The following WWOX variants were observed in gnomAD, a reference collection of about 807,000 sequenced individuals.
WWOX encodes WW domain containing oxidoreductase.
Under a neutral mutation model 46.2 loss-of-function variants are expected in WWOX, and 69 were observed. That is an observed-to-expected ratio of 1.49 (90% CI 1.23 to 1.82). The LOEUF (loss-of-function observed/expected upper bound fraction) is 1.82. Among genes scored for constraint, WWOX ranks in the 40% most tolerant of loss-of-function variants. The pLI, the probability that WWOX is intolerant of heterozygous loss-of-function variation, is 0.00. For missense variants in WWOX, 919 were observed against 542.6 expected (o/e 1.69, Z -6.89); for synonymous variants, 359 against 202.6 (o/e 1.77, Z -6.56).
intron 8 of WWOX, among the ~76,000 whole-genome samples, chr16:78,620,215 C>G (rs2046142964): frequency 1.3e-5 from 2 of 152,140 alleles, no homozygotes; most frequent in Admixed American, 6.5e-5. Context: ...CTGGCTTAAC[C>G]AAGAAGCAGC....
intron 4 of WWOX, among the ~76,000 whole-genome samples, chr16:78,116,776 T>A (rs556061500): frequency 3.3e-5 from 5 of 152,326 alleles, no homozygotes; most frequent in African/African-American, 1.2e-4. Flanking sequence ...TTTTTAACAA[T>A]TTAACAAGTT....
At chr16:78,593,776 C>G (rs1260661812) in intron 8 of WWOX, among the ~76,000 whole-genome samples, 8 of 150,944 alleles carry the variant, frequency 5.3e-5, no homozygotes, top group Non-Finnish European at 1.0e-4. Flanking sequence ...CAAAGAGAAT[C>G]AGAAAGGAGT....
At chr16:78,870,895 C>T (rs1302254888) in intron 8 of WWOX, among the ~76,000 whole-genome samples, 1 of 152,194 alleles carries the variant, frequency 6.6e-6, no homozygotes, top group African/African-American at 2.4e-5. Context: ...AGCCACCATG[C>T]CCGGCCTAAT....
At chr16:78,942,205 A>G (rs554863682) in intron 8 of WWOX, among the ~76,000 whole-genome samples, 1 of 152,296 alleles carries the variant, frequency 6.6e-6, no homozygotes, top group South Asian at 2.1e-4. Context: ...ACATAGTTAA[A>G]GAGTTTGGTA....
chr16:79,187,611 T>C (rs1368401746), intron 8 of WWOX, among the ~76,000 whole-genome samples: 1 of 152,228 alleles, frequency 6.6e-6, no homozygotes, highest in Admixed American at 6.5e-5. Context: ...TTCACCATGT[T>C]GGCCAGGCTG....
chr16:78,870,107 A>G (rs1424345113), intron 8 of WWOX, among the ~76,000 whole-genome samples: 1 of 152,170 alleles, frequency 6.6e-6, no homozygotes, highest in Non-Finnish European at 1.5e-5. Flanking sequence ...GGCCAGGCCT[A>G]AGTGCTCTGA....
intron 8 of WWOX, among the ~76,000 whole-genome samples, chr16:78,812,455 C>T (rs1489564680): frequency 6.6e-6 from 1 of 152,044 alleles, no homozygotes; most frequent in Non-Finnish European, 1.5e-5. Flanking sequence ...GGCATGGTGG[C>T]TCCTGCCTGT....
At chr16:78,105,400 A>C (rs1174541777) in intron 1 of WWOX, among the ~76,000 whole-genome samples, 1 of 151,638 alleles carries the variant, frequency 6.6e-6, no homozygotes, top group Non-Finnish European at 1.5e-5. Context: ...CAGAGGTTGC[A>C]GTGAGCTGAG....
At chr16:78,568,600 C>T (rs912480966) in intron 8 of WWOX, among the ~76,000 whole-genome samples, 6 of 151,680 alleles carry the variant, frequency 4.0e-5, no homozygotes, top group Admixed American at 1.3e-4. Context: ...CTTAGCCTCC[C>T]GAGTAGCTGG....
intron 8 of WWOX, among the ~76,000 whole-genome samples, chr16:78,736,235 C>G (rs1390025492): frequency 2.6e-5 from 4 of 152,166 alleles, no homozygotes; most frequent in Admixed American, 2.6e-4. Context: ...ACTTGACCCG[C>G]TTGAGGCCAG....
chr16:78,593,971 T>A (rs150201878), intron 8 of WWOX, among the ~76,000 whole-genome samples: 1 of 152,214 alleles, frequency 6.6e-6, no homozygotes, highest in Admixed American at 6.5e-5. Flanking sequence ...TATCATTATA[T>A]CCAACTTGTG....
In WWOX at chr16:78,390,829, A is replaced by G. The variant is rs548079883; in HGVS notation, c.605+3881A>G. ...AATGAAAGAAAGGCTGCCAGTTCAGAACCAATCTCTTTTCACGCTGTTGCA... is the reference window on the plus strand; with the variant it reads ...AATGAAAGAAAGGCTGCCAGTTCAGGACCAATCTCTTTTCACGCTGTTGCA... On this transcript the variant is annotated intron_variant, in intron 6 of 8. Coordinates refer to ENST00000566780, the MANE Select transcript of WWOX (RefSeq NM_016373.4). Among the ~76,000 whole-genome samples, 65 of 152,334 alleles carry G rather than the reference A, an allele frequency of 4.3e-4. 1 individual carries two copies. Among genetic ancestry groups the G allele is most frequent in the South Asian group, 1.7e-3 (8 of 4,828 alleles).
chr16:78,615,330 G>A (rs1041002854), intron 8 of WWOX, among the ~76,000 whole-genome samples: 2 of 152,088 alleles, frequency 1.3e-5, no homozygotes, highest in Non-Finnish European at 2.9e-5. Context: ...CCGCGACTCG[G>A]TACCTGGTGT....
At chr16:78,477,465 T>A (rs759615911) in intron 8 of WWOX, among the ~76,000 whole-genome samples, 8 of 152,164 alleles carry the variant, frequency 5.3e-5, no homozygotes, top group Non-Finnish European at 1.0e-4. Flanking sequence ...GTGCCATTGA[T>A]CCTTATTAAA....
rs372964161 is a variant in WWOX at position 79,010,771 on chromosome 16, C to A, written c.1057-200837C>A. ...TCCAGGGACATGGACCCGATGCTGC[C>A]AGCAGAGGGGAAACCATGGCCCTAA... On this transcript the variant is annotated intron_variant, in intron 8 of 8. Transcript: ENST00000566780. Among the ~76,000 whole-genome samples the A allele has an allele frequency of 6.0e-5, 8 of 133,894 alleles. No individual in the cohort carries two copies. In the East Asian group the frequency reaches 1.5e-3, roughly 25 times the overall value. The allele number at this position is 133,894 out of a possible 152,430, so 87.8% of individuals were successfully genotyped here.
chr16:78,764,642 A>T (rs189837227), intron 8 of WWOX, among the ~76,000 whole-genome samples: 1 of 147,952 alleles, frequency 6.8e-6, no homozygotes, highest in African/African-American at 2.5e-5. Flanking sequence ...CTGGCTTTCC[A>T]ACATTACCTT....
intron 8 of WWOX, among the ~76,000 whole-genome samples, chr16:78,566,955 G>T (rs528778191): frequency 1.4e-4 from 22 of 152,304 alleles, no homozygotes; most frequent in Non-Finnish European, 3.1e-4. Flanking sequence ...TAATTAAAAT[G>T]GAAGCAACCA....
intron 8 of WWOX, among the ~76,000 whole-genome samples, chr16:78,882,843 G>A (rs1348631631): frequency 7.9e-5 from 12 of 151,154 alleles, no homozygotes; most frequent in Non-Finnish European, 1.6e-4. Context: ...AAAAAAAAAG[G>A]GCATTAATGC....
chr16:78,834,282 A>G (rs1259722523), intron 8 of WWOX, among the ~76,000 whole-genome samples: 1 of 152,196 alleles, frequency 6.6e-6, no homozygotes, highest in Non-Finnish European at 1.5e-5. Context: ...CCATGTCCCC[A>G]TTGAACACTG....
Sources: allele counts gnomAD v4.1 joint callset (sites outside exome capture counted in the v4.1 genomes callset), GRCh38; gene constraint gnomAD v4.1.1; transcripts MANE v1.5; gene names NCBI Gene and HGNC (gene_info 2026-07-23, HGNC 2026-07-21).